DAB1: variants seen among roughly 807,000 people sequenced by gnomAD.
DAB1 encodes the protein disabled homolog 1.
A neutral mutation model predicts 64.6 loss-of-function variants in DAB1; 15 were observed. That is an observed-to-expected ratio of 0.23 (90% CI 0.16 to 0.36). The LOEUF (loss-of-function observed/expected upper bound fraction) is 0.36, where lower values mean the gene tolerates loss of function less well. Among genes scored for constraint, DAB1 ranks in the 10% least tolerant of loss-of-function variants. DAB1 has a pLI of 1.00. For synonymous variants in DAB1, 235 were observed against 251.9 expected (o/e 0.93, Z 0.64); for missense variants, 596 against 706.7 (o/e 0.84, Z 1.78).
chr1:58,158,412 G>A (rs182549619), intron 4 of DAB1, among the ~76,000 whole-genome samples: 75 of 152,276 alleles, frequency 4.9e-4, no homozygotes, highest in African/African-American at 1.7e-3. Context: ...GAAAACCCCT[G>A]TGAGCCTAGG....
At chr1:58,040,341 T>C (rs1335311374) in intron 5 of DAB1, among the ~76,000 whole-genome samples, 2 of 152,240 alleles carry the variant, frequency 1.3e-5, no homozygotes, top group Non-Finnish European at 2.9e-5. Context: ...GTTTCATGTC[T>C]ATCCCTCTTG....
At chr1:57,372,844 CA>C (rs1335082447) in intron 1 of DAB1, among the ~76,000 whole-genome samples, 1 of 151,658 alleles carries the variant, frequency 6.6e-6, no homozygotes, top group Non-Finnish European at 1.5e-5. Flanking sequence ...ACTTTACAAG[CA>C]AAAAATGACT....
intron 2 of DAB1, among the ~76,000 whole-genome samples, chr1:57,185,819 A>C (rs23705): frequency 0.37 from 55,874 of 152,050 alleles, 11,697 homozygotes; most frequent in Middle Eastern, 0.49. Context: ...AGGAAGTACC[A>C]GGACACTGTA....
intron 4 of DAB1, among the ~76,000 whole-genome samples, chr1:58,338,552 C>G (rs922308222): frequency 6.6e-6 from 1 of 152,150 alleles, no homozygotes; most frequent in Non-Finnish European, 1.5e-5. Context: ...TTATATTCAG[C>G]CAGTCATCAA....
chr1:58,473,259 G>C (rs542856199), intron 3 of DAB1, among the ~76,000 whole-genome samples: 1 of 152,198 alleles, frequency 6.6e-6, no homozygotes, highest in East Asian at 1.9e-4. Context: ...AAATAACATG[G>C]GGGCCGGGCG....
At chr1:58,389,771 G>A (rs1376701339) in intron 3 of DAB1, among the ~76,000 whole-genome samples, 2 of 152,166 alleles carry the variant, frequency 1.3e-5, no homozygotes, top group Non-Finnish European at 2.9e-5. Context: ...GCTGGCAGGG[G>A]AGAGAGGAGA....
rs182349927 is a variant in DAB1, at chr1:56,995,892, G to A, written c.*2252C>T. 1 of 152,252 alleles carries A rather than the reference G, an allele frequency of 6.6e-6. No homozygotes were observed. Among genetic ancestry groups the A allele is most frequent in the Admixed American group, 6.5e-5 (1 of 15,284 alleles). The allele number at this position is 152,252 out of a possible 1,614,324, so 9.4% of individuals were successfully genotyped here. On this transcript the variant is annotated 3_prime_UTR_variant, in exon 15 of 15. Transcript: ENST00000371236. ...TGAAAGGGTTACCTAATCATAAAAT[G>A]TTTGCTCATTTCTCAAGAAACTCTG...
Position 57,407,707 on chromosome 1 carries a change from G to A in DAB1, c.-137+16223C>T, listed in dbSNP as rs1376971806. On this transcript the variant is annotated intron_variant, in intron 1 of 14. Transcript: ENST00000371236. Reference sequence around the variant, plus strand: ...TTGACCATCTGTAAAATGGGGATACGAATGGCCATCCTGTCTATCTGGTAG... The same window carrying A: ...TTGACCATCTGTAAAATGGGGATACAAATGGCCATCCTGTCTATCTGGTAG... Among the ~76,000 whole-genome samples, 5 of 151,974 alleles carry A rather than the reference G, an allele frequency of 3.3e-5. 1 individual carries two copies. Among genetic ancestry groups the A allele is most frequent in the Admixed American group, 2.6e-4 (4 of 15,240 alleles).
chr1:57,888,718 T>C (rs888856518), upstream of DAB1, among the ~76,000 whole-genome samples: 1 of 152,210 alleles, frequency 6.6e-6, no homozygotes, highest in Non-Finnish European at 1.5e-5. Context: ...ATCCTTGTGT[T>C]TTATCGCCAA....
chr1:58,285,177 G>A (rs756582305), intron 4 of DAB1, among the ~76,000 whole-genome samples: 30 of 152,136 alleles, frequency 2.0e-4, no homozygotes, highest in African/African-American at 9.7e-5. Context: ...AGCCATTTAT[G>A]ACAAACCCAC....
chr1:57,585,804 A>G (rs1007733763), intron 7 of DAB1, among the ~76,000 whole-genome samples: 1 of 152,260 alleles, frequency 6.6e-6, no homozygotes, highest in Non-Finnish European at 1.5e-5. Flanking sequence ...ACATGAACAT[A>G]TAATAAGTTA....
intron 7 of DAB1, among the ~76,000 whole-genome samples, chr1:57,501,270 T>C: frequency 6.6e-6 from 1 of 152,244 alleles, no homozygotes; most frequent in East Asian, 1.9e-4. Flanking sequence ...TCTAACTTAC[T>C]GGAGGATGAA....
chr1:57,642,305 T>C (rs1394768000), intron 7 of DAB1, among the ~76,000 whole-genome samples: 1 of 152,184 alleles, frequency 6.6e-6, no homozygotes, highest in Non-Finnish European at 1.5e-5. Context: ...TACAGGAGGA[T>C]TGCTGCTATT....
chr1:57,846,618 A>G (rs1453755145), intron 1 of DAB1, among the ~76,000 whole-genome samples: 3 of 152,082 alleles, frequency 2.0e-5, no homozygotes, highest in Non-Finnish European at 4.4e-5. Context: ...CCTTACTCTG[A>G]GGGAGACACA....
intron 3 of DAB1, among the ~76,000 whole-genome samples, chr1:58,372,525 T>C (rs539006954): frequency 4.0e-4 from 61 of 152,160 alleles, no homozygotes; most frequent in Non-Finnish European, 6.3e-4. Context: ...AGTTAAAAAT[T>C]TGGGAGACTG....
rs147165784 is a variant in DAB1 at position 58,347,253 on chromosome 1, A to T, written n.258-3850T>A. ...CTCCCAAGTAGCGTGCATTACAGGC[A>T]TGTGCCACCATGTCCGGCTAATTTT... is the stretch of plus-strand genomic sequence containing the variant. On this transcript the variant is annotated intron_variant and non_coding_transcript_variant, in intron 3 of 20. Transcript: ENST00000485760. Among the ~76,000 whole-genome samples, 503 of 152,262 alleles carry T rather than the reference A, an allele frequency of 3.3e-3. 3 individuals carry two copies. The highest frequency in any genetic ancestry group is 5.2e-3 in the Non-Finnish European group (353 of 68,010).
intron 1 of DAB1, among the ~76,000 whole-genome samples, chr1:57,849,335 T>G (rs1255305161): frequency 1.3e-5 from 2 of 152,208 alleles, no homozygotes; most frequent in African/African-American, 4.8e-5. Flanking sequence ...ATTCTCCATC[T>G]GGATCTTTCA....
intron 4 of DAB1, among the ~76,000 whole-genome samples, chr1:58,180,932 A>C (rs1225565536): frequency 6.6e-6 from 1 of 152,168 alleles, no homozygotes; most frequent in Admixed American, 6.5e-5. Flanking sequence ...GCTTGAAAAG[A>C]ATATGCATTC....
intron 1 of DAB1, among the ~76,000 whole-genome samples, chr1:57,311,847 A>G (rs556789006): frequency 6.6e-6 from 1 of 152,334 alleles, no homozygotes; most frequent in Non-Finnish European, 1.5e-5. Flanking sequence ...TACAATGGCA[A>G]TAAACATGAT....
Sources: gnomAD v4.1 joint callset for allele counts (sites outside exome capture counted in the v4.1 genomes callset) on GRCh38, gnomAD v4.1.1 for gene constraint, MANE v1.5 for transcripts, NCBI Gene and HGNC (gene_info 2026-07-23, HGNC 2026-07-21) for gene names.